RBM26: variants seen among roughly 807,000 people sequenced by gnomAD.
The protein encoded by RBM26 is RNA binding motif protein 26.
RBM26 carries 30 observed loss-of-function variants against 123.6 expected under a neutral mutation model. That is an observed-to-expected ratio of 0.24 (90% CI 0.18 to 0.33). RBM26 has a LOEUF of 0.33. Ranked by LOEUF, RBM26 falls within the 10% of genes least tolerant of loss-of-function variation. The pLI is 1.00. For missense variants in RBM26, 947 were observed against 1,203.6 expected, an observed-to-expected ratio of 0.79 and a Z score of 3.15; for synonymous variants, 400 against 404.4, an observed-to-expected ratio of 0.99 and a Z score of 0.13.
chr13:79,313,294 T>C (rs113242563), exon 5 of RBM26: 2 of 151,994 alleles, frequency 1.3e-5, no homozygotes, highest in Non-Finnish European at 2.9e-5. Context: ...GCAGTGATCT[T>C]AGTGAGAATC....
intron 3 of RBM26, among the ~76,000 whole-genome samples, chr13:79,372,894 A>G (rs9593393): frequency 0.88 from 27,558 of 31,182 alleles, 12,101 homozygotes; most frequent in Admixed American, 0.91. Flanking sequence ...TGCTATATAA[A>G]ATATATCTTA....
At chr13:79,371,772 C>G in intron 4 of RBM26, 70 bp downstream of exon 4, 1 of 1,114,534 alleles carries the variant, frequency 9.0e-7, no homozygotes, top group South Asian at 1.3e-5. Context: ...AAAAGATAAC[C>G]CAAGTCTAAA....
At chr13:79,345,482 T>A (rs1443458193) in intron 14 of RBM26, among the ~76,000 whole-genome samples, 2 of 152,100 alleles carry the variant, frequency 1.3e-5, no homozygotes. Flanking sequence ...TATTAATTAA[T>A]GTGTCTTTTC....
At chr13:79,370,634 T>G (rs1342093973) in intron 5 of RBM26, among the ~76,000 whole-genome samples, 1 of 152,226 alleles carries the variant, frequency 6.6e-6, no homozygotes, top group Non-Finnish European at 1.5e-5. Flanking sequence ...ATATGCTAAG[T>G]GTAGTTTTAA....
chr13:79,405,645 T>A (rs1046900390), intron 1 of RBM26, 59 bp downstream of exon 1: 11 of 1,281,728 alleles, frequency 8.6e-6, no homozygotes, highest in Non-Finnish European at 1.2e-5. Flanking sequence ...TGCACAGATC[T>A]CTGGGTCCGC....
At position 79,320,354 on chromosome 13, in the gene RBM26, G is replaced by A. The variant is rs1390061069; in HGVS notation, c.*267C>T. ...AATTACAAAGAACCCAAAGAATTCT[G>A]TGATGTCCAGTAGAAGTATGTAATA... is the stretch of plus-strand genomic sequence containing the variant. On this transcript the variant is annotated 3_prime_UTR_variant, in exon 22 of 22. Transcript: ENST00000438737. 9.4e-7 allele frequency: 1 copy of A among 1,058,450 alleles called. No homozygotes were observed. Among genetic ancestry groups the A allele is most frequent in the African/African-American group, 1.7e-5 (1 of 59,886 alleles). 65.6% of individuals were successfully genotyped at this position (1,058,450 alleles called of 1,614,324 possible).
At chr13:79,360,985 T>C (rs956429093) in intron 9 of RBM26, among the ~76,000 whole-genome samples, 4 of 152,156 alleles carry the variant, frequency 2.6e-5, no homozygotes, top group African/African-American at 9.6e-5. Flanking sequence ...ACTGAAGATC[T>C]GTTTCAGCAC....
chr13:79,331,041 G>C (rs1453053102), intron 20 of RBM26, among the ~76,000 whole-genome samples: 1 of 128,266 alleles, frequency 7.8e-6, no homozygotes, highest in East Asian at 3.0e-4. Flanking sequence ...GATAGGGTCT[G>C]GCTCTGTCGC....
intron 3 of RBM26, 103 bp downstream of exon 3, chr13:79,377,276 G>A: frequency 1.1e-6 from 1 of 871,732 alleles, no homozygotes; most frequent in Non-Finnish European, 1.8e-6. Flanking sequence ...AACTGGGAGT[G>A]GTCCTGAGGA....
intron 17 of RBM26, among the ~76,000 whole-genome samples, chr13:79,341,569 T>C (rs2071384770): frequency 6.6e-6 from 1 of 151,768 alleles, no homozygotes; most frequent in South Asian, 2.1e-4. Flanking sequence ...ACAGAGTATG[T>C]TTTTATGTAG....
At chr13:79,405,166 C>G (rs2079419759) in intron 1 of RBM26, among the ~76,000 whole-genome samples, 2 of 152,196 alleles carry the variant, frequency 1.3e-5, no homozygotes, top group African/African-American at 4.8e-5. Context: ...AGCTAACGAA[C>G]GCGTAGGCGG....
intron 1 of RBM26, among the ~76,000 whole-genome samples, chr13:79,395,339 T>C (rs943285906): frequency 1.3e-5 from 2 of 152,072 alleles, no homozygotes; most frequent in African/African-American, 2.4e-5. Flanking sequence ...GGAACTTCAG[T>C]GAATACACAG....
intron 10 of RBM26, among the ~76,000 whole-genome samples, chr13:79,359,307 G>A (rs1179968859): frequency 6.6e-6 from 1 of 152,096 alleles, no homozygotes; most frequent in Non-Finnish European, 1.5e-5. Flanking sequence ...TATTCAACAG[G>A]TCTAAGTTAA....
exon 5 of RBM26, chr13:79,312,875 C>T (rs1179334333): frequency 6.6e-6 from 1 of 151,782 alleles, no homozygotes; most frequent in East Asian, 1.9e-4. Flanking sequence ...AAAAATGATA[C>T]TGAAAGGTTT....
intron 19 of RBM26, 24 bp downstream of exon 19, chr13:79,337,078 T>A: frequency 6.2e-7 from 1 of 1,601,296 alleles, no homozygotes; most frequent in Non-Finnish European, 8.5e-7. Flanking sequence ...TCAGCATTTG[T>A]TTTGTTGAGC....
chr13:79,383,514 TAAAATAAG>T (rs915247931), intron 1 of RBM26, among the ~76,000 whole-genome samples: 2 of 152,156 alleles, frequency 1.3e-5, no homozygotes, highest in African/African-American at 4.8e-5. Flanking sequence ...GTTTGATGAA[TAAAATAAG>T]AAAATAAGTA....
chr13:79,313,704 TG>T (rs1408038167), exon 5 of RBM26: 2 of 151,810 alleles, frequency 1.3e-5, no homozygotes, highest in Non-Finnish European at 3.0e-5. Context: ...TTCCAAATTA[TG>T]TATTTTTAAC....
chr13:79,352,149 A>G (rs954778818), intron 14 of RBM26, among the ~76,000 whole-genome samples: 27 of 152,316 alleles, frequency 1.8e-4, no homozygotes, highest in Admixed American at 1.6e-3. Flanking sequence ...TAAAACTGCC[A>G]AAGTTTAACA....
intron 5 of RBM26, 142 bp downstream of exon 5, chr13:79,370,803 T>G (rs1469085722): frequency 1.1e-6 from 1 of 904,938 alleles, no homozygotes; most frequent in Non-Finnish European, 1.6e-6. Flanking sequence ...TTTAAAGGAA[T>G]TTTTAAAAAG....
Sources: allele counts gnomAD v4.1 joint callset (sites outside exome capture counted in the v4.1 genomes callset), GRCh38; gene constraint gnomAD v4.1.1; transcripts MANE v1.5; gene names NCBI Gene and HGNC (gene_info 2026-07-23, HGNC 2026-07-21).